The following NOS1AP variants were observed in gnomAD, a reference collection of about 807,000 sequenced individuals.
The protein encoded by NOS1AP is nitric oxide synthase 1 adaptor protein.
NOS1AP carries 21 observed loss-of-function variants against 56.2 expected under a neutral mutation model. The observed-to-expected ratio is 0.37, with a 90% CI of 0.26 to 0.54. NOS1AP has a LOEUF of 0.54. Ranked by LOEUF, NOS1AP falls within the 20% of genes least tolerant of loss-of-function variation. The pLI, the probability that NOS1AP is intolerant of heterozygous loss-of-function variation, is 0.84. For missense variants in NOS1AP, 522 were observed against 657.8 expected (o/e 0.79, Z 2.26); for synonymous variants, 270 against 274.6 (o/e 0.98, Z 0.17).
At chr1:162,149,877 G>T (rs571478964) in intron 1 of NOS1AP, among the ~76,000 whole-genome samples, 3 of 151,800 alleles carry the variant, frequency 2.0e-5, no homozygotes, top group Non-Finnish European at 4.4e-5. Flanking sequence ...TAGGTTTATG[G>T]GGGCACATGA....
At chr1:162,197,392 G>A (rs79723509) in intron 2 of NOS1AP, among the ~76,000 whole-genome samples, 1,702 of 152,250 alleles carry the variant, frequency 0.011, 18 homozygotes, top group Middle Eastern at 0.027. Context: ...GTGCTCTGCC[G>A]AGCCAGGATT....
At chr1:162,172,718 T>A (rs922098810) in intron 2 of NOS1AP, among the ~76,000 whole-genome samples, 2 of 152,174 alleles carry the variant, frequency 1.3e-5, no homozygotes, top group African/African-American at 4.8e-5. Flanking sequence ...TGTTGTTTGT[T>A]TTTGTTTGTT....
intron 4 of NOS1AP, among the ~76,000 whole-genome samples, chr1:162,320,263 A>G (rs1269226953): frequency 6.6e-6 from 1 of 152,202 alleles, no homozygotes; most frequent in Non-Finnish European, 1.5e-5. Context: ...GGCATACAGC[A>G]GATGAAAATA....
chr1:162,300,681 C>T lies in NOS1AP; in HGVS notation c.319C>T (p.Leu107=). 6.2e-7 allele frequency: 1 copy of T among 1,614,046 alleles called. No individual in the cohort carries two copies. The highest frequency in any genetic ancestry group is 8.5e-7 in the Non-Finnish European group (1 of 1,179,960). ...KEWTWDESKM[L]VMQDPIYRIF... ...ATGGACGTGGGATGAGAGCAAGATG[C>T]TGGTGATGCAGGACCCCATCTACAG... Residue 107 remains leucine, a synonymous_variant, in exon 4 of 10, where the codon CTG becomes TTG. Transcript: ENST00000361897.
intron 2 of NOS1AP, among the ~76,000 whole-genome samples, chr1:162,243,403 T>C (rs947925623): frequency 2.6e-5 from 4 of 152,140 alleles, no homozygotes; most frequent in Admixed American, 6.6e-5. Context: ...GTCCTCGCTT[T>C]CCCTCTTTGC....
At chr1:162,265,979 C>T (rs1371008028) in intron 2 of NOS1AP, among the ~76,000 whole-genome samples, 5 of 152,136 alleles carry the variant, frequency 3.3e-5, no homozygotes, top group African/African-American at 1.2e-4. Context: ...TTATCCGAGG[C>T]CAGACAGTAG....
intron 6 of NOS1AP, among the ~76,000 whole-genome samples, chr1:162,346,286 GA>G (rs1557886983): frequency 6.6e-6 from 1 of 152,168 alleles, no homozygotes; most frequent in Non-Finnish European, 1.5e-5. Flanking sequence ...GAAACAGCAA[GA>G]GGGAACTTTT....
intron 4 of NOS1AP, among the ~76,000 whole-genome samples, chr1:162,309,499 A>G (rs1655957076): frequency 6.6e-6 from 1 of 152,176 alleles, no homozygotes; most frequent in Non-Finnish European, 1.5e-5. Context: ...CTTAGAAAGT[A>G]CTCCTTAAAT....
chr1:162,255,520 T>TTTTTTTTTTTTC (rs1654001945), intron 2 of NOS1AP, among the ~76,000 whole-genome samples: 1 of 109,112 alleles, frequency 9.2e-6, no homozygotes, highest in Non-Finnish European at 1.8e-5. Flanking sequence ...TTTTTTTTTT[T>TTTTTTTTTTTTC]TTTTTGGTAA....
At chr1:162,191,650 A>G (rs990346942) in intron 2 of NOS1AP, among the ~76,000 whole-genome samples, 1 of 151,940 alleles carries the variant, frequency 6.6e-6, no homozygotes, top group Non-Finnish European at 1.5e-5. Context: ...AGCTGGCTAC[A>G]TTCTCTTCCT....
intron 2 of NOS1AP, among the ~76,000 whole-genome samples, chr1:162,279,188 A>T (rs1225982070): frequency 1.3e-5 from 2 of 152,164 alleles, no homozygotes; most frequent in African/African-American, 4.8e-5. Context: ...TTGCTTCATA[A>T]ATCAGCCCTT....
chr1:162,124,847 A>C (rs754431599), intron 1 of NOS1AP, among the ~76,000 whole-genome samples: 1 of 151,768 alleles, frequency 6.6e-6, no homozygotes, highest in Non-Finnish European at 1.5e-5. Context: ...TTCTTTATCT[A>C]CTCATCAGTT....
At chr1:162,111,047 T>C (rs750904576) in intron 1 of NOS1AP, among the ~76,000 whole-genome samples, 16 of 152,212 alleles carry the variant, frequency 1.1e-4, no homozygotes, top group South Asian at 2.1e-4. Context: ...CCCTTGTCCT[T>C]ATACAACTTA....
intron 9 of NOS1AP, 71 bp downstream of exon 9, chr1:162,365,640 T>A: frequency 6.3e-7 from 1 of 1,584,960 alleles, no homozygotes; most frequent in Non-Finnish European, 8.5e-7. Flanking sequence ...TTCCTTAAGT[T>A]TTTGGTGGTG....
chr1:162,345,822 T>C (rs187954677), intron 6 of NOS1AP, among the ~76,000 whole-genome samples: 11 of 152,344 alleles, frequency 7.2e-5, no homozygotes, highest in Admixed American at 5.2e-4. Context: ...GATAAACTGA[T>C]ACTTTTAAAA....
intron 2 of NOS1AP, among the ~76,000 whole-genome samples, chr1:162,215,073 G>A (rs1484927392): frequency 2.0e-5 from 3 of 152,132 alleles, no homozygotes; most frequent in African/African-American, 2.4e-5. Flanking sequence ...TGCATTCTCC[G>A]CGAAGCTTCT....
chr1:162,354,796 G>A (rs1240154182), intron 6 of NOS1AP, among the ~76,000 whole-genome samples: 1 of 152,176 alleles, frequency 6.6e-6, no homozygotes, highest in African/African-American at 2.4e-5. Context: ...GCAGTTTATT[G>A]GAGGCCCAAC....
intron 2 of NOS1AP, among the ~76,000 whole-genome samples, chr1:162,272,343 G>A (rs1654605917): frequency 6.6e-6 from 1 of 152,146 alleles, no homozygotes; most frequent in Non-Finnish European, 1.5e-5. Flanking sequence ...GTGGAGAACA[G>A]GATGGGAATC....
intron 2 of NOS1AP, among the ~76,000 whole-genome samples, chr1:162,231,466 C>T (rs1030178932): frequency 8.6e-5 from 13 of 151,956 alleles, no homozygotes; most frequent in East Asian, 1.9e-4. Flanking sequence ...TTTGCACAGG[C>T]GTTTTACATT....
Sources: gnomAD v4.1 joint callset for allele counts (sites outside exome capture counted in the v4.1 genomes callset) on GRCh38, gnomAD v4.1.1 for gene constraint, MANE v1.5 for transcripts, NCBI Gene and HGNC (gene_info 2026-07-23, HGNC 2026-07-21) for gene names.